The following OSTC variants were observed in gnomAD, a reference collection of about 807,000 sequenced individuals.
OSTC encodes oligosaccharyltransferase complex non-catalytic subunit.
OSTC carries 16 observed loss-of-function variants against 16.4 expected under a neutral mutation model. The observed-to-expected ratio is 0.98, with a 90% CI of 0.66 to 1.49. The LOEUF (loss-of-function observed/expected upper bound fraction) is 1.49, where lower values mean the gene tolerates loss of function less well. Ranked by LOEUF, OSTC falls within the 40% of genes most tolerant of loss-of-function variation. The pLI is 0.00. For missense variants in OSTC, 139 were observed against 186.3 expected, an observed-to-expected ratio of 0.75 and a Z score of 1.48; for synonymous variants, 67 against 68.5, an observed-to-expected ratio of 0.98 and a Z score of 0.11.
At position 108,658,425 on chromosome 4, in the gene OSTC, T is replaced by TTGTG. The variant is rs77284877; in HGVS notation, c.431+796_431+799dup. 9.1e-3 allele frequency among the ~76,000 whole-genome samples: 1,357 copies of TTGTG among 149,596 alleles called. 11 individuals are homozygous for TTGTG. Among genetic ancestry groups the TTGTG allele is most frequent in the Middle Eastern group, 0.024 (7 of 288 alleles). On this transcript the variant is annotated intron_variant, in intron 3 of 3. Transcript: ENST00000361564. ...AGATAGGAAAAGGATATTTATATAT[T>TTGTG]TGTGTGTGTGTGTGTGTGTGTATGT...
chr4:108,658,135 T>C (rs1254915128), intron 3 of OSTC, among the ~76,000 whole-genome samples: 1 of 152,070 alleles, frequency 6.6e-6, no homozygotes, highest in African/African-American at 2.4e-5. Flanking sequence ...TTTCACAATG[T>C]TGACCAGGCT....
chr4:108,665,362 C>T (rs1726966379), intron 3 of OSTC, among the ~76,000 whole-genome samples: 1 of 151,932 alleles, frequency 6.6e-6, no homozygotes, highest in Admixed American at 6.6e-5. Flanking sequence ...GTGAGGTTTG[C>T]CAGGCTCATG....
In OSTC at chr4:108,663,577, C is replaced by T. The variant is rs114863161; in HGVS notation, c.432-3670C>T. 9.7e-3 allele frequency among the ~76,000 whole-genome samples: 1,480 copies of T among 152,262 alleles called. 28 individuals carry two copies. Among genetic ancestry groups the T allele is most frequent in the African/African-American group, 0.034 (1,397 of 41,532 alleles). ...TAGGACCATTGGAGTGGGTAGTAGA[C>T]CAGGAGTGAGGAGACTTGTGTTTTA... On this transcript the variant is annotated intron_variant, in intron 3 of 3. Coordinates refer to ENST00000361564, the MANE Select transcript of OSTC (RefSeq NM_021227.4).
chr4:108,651,697 A>G (rs1307505083), intron 1 of OSTC, among the ~76,000 whole-genome samples: 2 of 152,160 alleles, frequency 1.3e-5, no homozygotes, highest in Non-Finnish European at 2.9e-5. Context: ...ATTAATTTAG[A>G]TTTTGGGAAG....
intron 3 of OSTC, among the ~76,000 whole-genome samples, chr4:108,661,915 A>AAAAAAT (rs1231234722): frequency 2.0e-5 from 3 of 152,184 alleles, no homozygotes; most frequent in Non-Finnish European, 4.4e-5. Context: ...AGAATCTTAA[A>AAAAAAT]AAAAATAAAA....
chr4:108,666,225 C>T (rs1726997659), intron 3 of OSTC, among the ~76,000 whole-genome samples: 1 of 152,140 alleles, frequency 6.6e-6, no homozygotes, highest in Admixed American at 6.5e-5. Context: ...TCTCCCACTT[C>T]TCTTCTGGTA....
intron 3 of OSTC, among the ~76,000 whole-genome samples, chr4:108,662,201 A>G (rs1390884648): frequency 1.3e-5 from 2 of 152,250 alleles, no homozygotes; most frequent in African/African-American, 4.8e-5. Context: ...ATCAGTTCAG[A>G]AAACAAGTTC....
At chr4:108,657,917 CTTTTTTTTTTTTTT>C (rs70949037) in intron 3 of OSTC, among the ~76,000 whole-genome samples, 15 of 67,202 alleles carry the variant, frequency 2.2e-4, no homozygotes, top group African/African-American at 6.8e-4. Context: ...GTCATTGTTT[CTTTTTTTTTTTTTT>C]TTTTTTTTTT....
intron 3 of OSTC, among the ~76,000 whole-genome samples, chr4:108,666,218 C>G (rs954545920): frequency 1.3e-5 from 2 of 152,116 alleles, no homozygotes; most frequent in African/African-American, 4.8e-5. Flanking sequence ...TTCTGATTCT[C>G]CCACTTCTCT....
chr4:108,657,221 A>G (rs145574529), intron 2 of OSTC, among the ~76,000 whole-genome samples: 5 of 152,242 alleles, frequency 3.3e-5, no homozygotes, highest in East Asian at 1.9e-4. Flanking sequence ...TGTTTTATTC[A>G]TTGTTGTATA....
At chr4:108,664,486 A>C (rs1726942353) in intron 3 of OSTC, among the ~76,000 whole-genome samples, 1 of 149,040 alleles carries the variant, frequency 6.7e-6, no homozygotes, top group African/African-American at 2.5e-5. Context: ...TTTCTTGTGA[A>C]GCTTATGTTT....
chr4:108,652,290 A>AG (rs1317617779), intron 1 of OSTC: 1 of 152,192 alleles, frequency 6.6e-6, no homozygotes, highest in East Asian at 1.9e-4. Flanking sequence ...ACAAAAAAAA[A>AG]GTCATTATTC....
At chr4:108,662,507 A>G (rs1726882396) in intron 3 of OSTC, among the ~76,000 whole-genome samples, 1 of 152,174 alleles carries the variant, frequency 6.6e-6, no homozygotes, top group East Asian at 1.9e-4. Context: ...TCTGTTATGC[A>G]TAGTACTACT....
chr4:108,665,562 C>CT (rs56227378), intron 3 of OSTC, among the ~76,000 whole-genome samples: 118 of 134,302 alleles, frequency 8.8e-4, no homozygotes, highest in Non-Finnish European at 1.3e-3. Context: ...TTTGTTTTTT[C>CT]TTTTTTTTTT....
At chr4:108,651,416 C>G (rs1030035727) in intron 1 of OSTC, 5 of 152,548 alleles carry the variant, frequency 3.3e-5, no homozygotes, top group African/African-American at 9.7e-5. Context: ...GCAGACGATA[C>G]TGTATTTCAG....
chr4:108,657,953 G>A (rs1334476752), intron 3 of OSTC, among the ~76,000 whole-genome samples: 5 of 111,680 alleles, frequency 4.5e-5, no homozygotes, highest in Non-Finnish European at 6.9e-5. Flanking sequence ...TTTTTGAGAC[G>A]GAGTTTCGCT....
chr4:108,663,223 T>A (rs1255546054), intron 3 of OSTC: 1 of 456,066 alleles, frequency 2.2e-6, no homozygotes, highest in African/African-American at 2.0e-5. Flanking sequence ...TTGTTTTGTT[T>A]CGTATTGAGA....
At chr4:108,665,350 G>C (rs1726965965) in intron 3 of OSTC, among the ~76,000 whole-genome samples, 1 of 151,948 alleles carries the variant, frequency 6.6e-6, no homozygotes, top group South Asian at 2.1e-4. Context: ...TGAGGAAACT[G>C]AGTGAGGTTT....
chr4:108,659,450 C>G (rs1726797824), intron 3 of OSTC, among the ~76,000 whole-genome samples: 1 of 151,978 alleles, frequency 6.6e-6, no homozygotes, highest in Non-Finnish European at 1.5e-5. Context: ...TTTTCATTAG[C>G]AGAGCAAGAA....
Sources: allele counts gnomAD v4.1 joint callset (sites outside exome capture counted in the v4.1 genomes callset), GRCh38; gene constraint gnomAD v4.1.1; transcripts MANE v1.5; gene names NCBI Gene and HGNC (gene_info 2026-07-23, HGNC 2026-07-21).